The following MYOM1 variants were observed in gnomAD, a reference collection of about 807,000 sequenced individuals.
MYOM1 encodes myomesin-1.
A neutral mutation model predicts 205.3 loss-of-function variants in MYOM1; 164 were observed. The ratio of observed to expected loss-of-function variants is 0.80; its 90% CI spans 0.70 to 0.91. The LOEUF (loss-of-function observed/expected upper bound fraction) is 0.91, where lower values mean the gene tolerates loss of function less well. Ranked by LOEUF, MYOM1 falls within the 40% of genes least tolerant of loss-of-function variation. The probability of loss-of-function intolerance (pLI) is 0.00; values close to 1 mark genes in which losing one functional copy is unlikely to be tolerated. For missense variants in MYOM1, 2,011 were observed against 2,127.3 expected, an observed-to-expected ratio of 0.95 and a Z score of 1.08; for synonymous variants, 772 against 789.4, an observed-to-expected ratio of 0.98 and a Z score of 0.37.
chr18:3,119,742 C>T (rs1033487248), intron 20 of MYOM1, 127 bp downstream of exon 20: 10 of 1,217,602 alleles, frequency 8.2e-6, no homozygotes, highest in African/African-American at 3.1e-5. Context: ...TAGGTAAACA[C>T]AAGGGGCCAA....
rs369422118 is a variant in MYOM1 at position 3,164,313 on chromosome 18, T to C, written c.1466A>G (p.Tyr489Cys). The C allele has an allele frequency of 9.9e-5, 159 of 1,613,102 alleles. No individual in the cohort carries two copies. Among genetic ancestry groups the C allele is most frequent in the Middle Eastern group, 4.9e-4 (3 of 6,082 alleles). Residue 489 changes from tyrosine (Y) to cysteine (C), a missense_variant, in exon 10 of 38, where the codon TAT becomes TGT. Transcript: ENST00000356443. Reference sequence around the variant, plus strand: ...GACATAAGCACTATATTGTTCATAATATTCTCCCATCCGTACACGGATTGT... The same window carrying C: ...GACATAAGCACTATATTGTTCATAACATTCTCCCATCCGTACACGGATTGT... ...LYTIRVRMGE[Y>C]YEQYSAYVFV...
At chr18:3,148,866 A>T (rs978496070) in intron 13 of MYOM1, among the ~76,000 whole-genome samples, 2 of 150,028 alleles carry the variant, frequency 1.3e-5, no homozygotes, top group Non-Finnish European at 3.0e-5. Context: ...AAAAAAAAAA[A>T]AAAAAAGAAA....
Position 3,135,398 on chromosome 18 carries a change from T to C in MYOM1, c.2209+149A>G. On this transcript the variant is annotated intron_variant, in intron 15 of 37. Transcript: ENST00000356443. This position sits in a 1 kb window ranked among gnomAD's most constrained non-coding sequence, Gnocchi z 4.1. ...TTCATAAACAAAAATAATGAATTTT[T>C]GTTTAATGTATAGGTTAAGTACAGC... is the stretch of plus-strand genomic sequence containing the variant. 1 of 593,834 alleles carries C rather than the reference T, an allele frequency of 1.7e-6. No individual in the cohort carries two copies. The allele number at this position is 593,834 out of a possible 1,614,324, so 36.8% of individuals were successfully genotyped here. A position where few individuals can be genotyped will look rare whatever the true frequency, so the allele number is the denominator to read the frequency against.
rs1356522579 is a variant in MYOM1 at position 3,079,192 on chromosome 18, A to G, written c.4635T>C (p.Asp1545=). ...DGKTGHQKTV[D]LSGQAYDEAY... Reference sequence around the variant, plus strand: ...ATATCTGTTTACCTTGTCCAGAGAGATCCACTGTCTTCTGATGTCCAGTTT... The same window carrying G: ...ATATCTGTTTACCTTGTCCAGAGAGGTCCACTGTCTTCTGATGTCCAGTTT... Residue 1545 remains aspartate (D), a synonymous_variant, in exon 34 of 38, where the codon GAT becomes GAC. Coordinates refer to ENST00000356443, the MANE Select transcript of MYOM1 (RefSeq NM_003803.4). 8 of 1,613,692 alleles carry G rather than the reference A, an allele frequency of 5.0e-6. No individual in the cohort carries two copies. The highest frequency in any genetic ancestry group is 2.7e-5 in the African/African-American group (2 of 74,878).
chr18:3,165,012 A>G (rs934794725), intron 9 of MYOM1, among the ~76,000 whole-genome samples: 1 of 152,206 alleles, frequency 6.6e-6, no homozygotes, highest in Non-Finnish European at 1.5e-5. Flanking sequence ...ATTAATTCCC[A>G]TAATTTTTTT....
At chr18:3,139,220 T>G (rs1481125080) in intron 14 of MYOM1, among the ~76,000 whole-genome samples, 1 of 152,208 alleles carries the variant, frequency 6.6e-6, no homozygotes, top group Non-Finnish European at 1.5e-5. Context: ...CTTAGAACAG[T>G]GCAAATCTTG....
chr18:3,230,559 A>G, the MYOM1 span, among the ~76,000 whole-genome samples: 1 of 152,160 alleles, frequency 6.6e-6, no homozygotes, highest in Non-Finnish European at 1.5e-5. Flanking sequence ...CTGATTGGTC[A>G]CTTTCTGCAA....
the MYOM1 span, among the ~76,000 whole-genome samples, chr18:3,238,494 G>A: frequency 3.3e-5 from 5 of 152,060 alleles, no homozygotes; most frequent in Non-Finnish European, 7.4e-5. Flanking sequence ...TGGGGGCATC[G>A]AGAACCAGTG....
intron 5 of MYOM1, among the ~76,000 whole-genome samples, chr18:3,182,941 T>TTTTTTTTTTC (rs2080759457): frequency 6.9e-6 from 1 of 144,672 alleles, no homozygotes; most frequent in Non-Finnish European, 1.5e-5. Flanking sequence ...TTTTTTTTTT[T>TTTTTTTTTTC]TGAGACAGAG....
At position 3,136,578 on chromosome 18, in the gene MYOM1, C is replaced by A. The variant is rs576407641; in HGVS notation, c.2026-848G>T. Among the ~76,000 whole-genome samples the A allele has an allele frequency of 7.2e-5, 11 of 152,150 alleles. No individual in the cohort carries two copies. The South Asian group carries it at 2.3e-3, about 32-fold the overall frequency. ...AGTAGTTGGGACTACAGGCACATGC[C>A]ACCACACCTGGCTAATTTTTGTATT... is the stretch of plus-strand genomic sequence containing the variant. On this transcript the variant is annotated intron_variant, in intron 14 of 37. Coordinates refer to ENST00000356443, the MANE Select transcript of MYOM1 (RefSeq NM_003803.4).
chr18:3,072,338 C>A (rs969733542), intron 36 of MYOM1, among the ~76,000 whole-genome samples: 4 of 109,292 alleles, frequency 3.7e-5, no homozygotes, highest in African/African-American at 7.8e-5. Context: ...AGGCGTGAGC[C>A]ACCGCACCCG....
At chr18:3,208,068 A>G (rs1422843209) in intron 2 of MYOM1, among the ~76,000 whole-genome samples, 2 of 152,134 alleles carry the variant, frequency 1.3e-5, no homozygotes, top group East Asian at 3.8e-4. Context: ...GGATCTATAA[A>G]TTGCCAATTA....
chr18:3,184,031 G>A (rs748609712), intron 5 of MYOM1, among the ~76,000 whole-genome samples: 2 of 151,632 alleles, frequency 1.3e-5, no homozygotes, highest in Non-Finnish European at 2.9e-5. Context: ...TCAGCCTCCC[G>A]AGTAGCTGGG....
At position 3,156,062 on chromosome 18, in the gene MYOM1, T is replaced by C. The variant is rs531058927; in HGVS notation, c.1502-974A>G. 8.5e-5 allele frequency among the ~76,000 whole-genome samples: 13 copies of C among 152,274 alleles called. No individual in the cohort carries two copies. The East Asian group carries it at 1.5e-3, about 18-fold the overall frequency. On this transcript the variant is annotated intron_variant, in intron 10 of 37. Transcript: ENST00000356443. ...GACCACACGGCCCCTCAGGCACAGCTGAATTAGTGAATCAGGGCTGTTTAT... is the reference window on the plus strand; with the variant it reads ...GACCACACGGCCCCTCAGGCACAGCCGAATTAGTGAATCAGGGCTGTTTAT...
At chr18:3,242,192 G>C in the MYOM1 span, among the ~76,000 whole-genome samples, 1 of 152,112 alleles carries the variant, frequency 6.6e-6, no homozygotes, top group Non-Finnish European at 1.5e-5. Context: ...ATTTAGGAGG[G>C]GCCAGGGTGG....
chr18:3,128,099 C>T (rs1056952738), intron 18 of MYOM1, among the ~76,000 whole-genome samples: 1 of 152,188 alleles, frequency 6.6e-6, no homozygotes, highest in Non-Finnish European at 1.5e-5. Flanking sequence ...AAGAAACTAT[C>T]TCATTCTTAC....
chr18:3,182,913 CTTT>C (rs549386891), intron 5 of MYOM1, among the ~76,000 whole-genome samples: 15 of 92,266 alleles, frequency 1.6e-4, no homozygotes, highest in Middle Eastern at 0.016. Context: ...TTTCTTTCTT[CTTT>C]TTTTTTTTTT....
intron 13 of MYOM1, among the ~76,000 whole-genome samples, chr18:3,144,724 G>T (rs1486162700): frequency 6.6e-6 from 1 of 152,106 alleles, no homozygotes; most frequent in Non-Finnish European, 1.5e-5. Context: ...ACATTACCAT[G>T]GGTAAAAGAA....
rs773064327 is a variant in MYOM1 at position 3,215,153 on chromosome 18, C to G, written c.71G>C (p.Ser24Thr). 1 of 1,613,762 alleles carries G rather than the reference C, an allele frequency of 6.2e-7. No homozygotes were observed. The highest frequency in any genetic ancestry group is 8.5e-7 in the Non-Finnish European group (1 of 1,179,836). ...DLSYRNKDVR[S>T]TVSHYQREKK... ...CTCCCGCTGGTAGTGACTCACGGTG[C>G]TGCGCACGTCCTTGTTGCGGTAGCT... is the stretch of plus-strand genomic sequence containing the variant. Residue 24 changes from serine (S) to threonine (T), a missense_variant, in exon 2 of 38, where the codon AGC becomes ACC. Ser to Thr is a moderately conservative substitution (Grantham distance 58). Transcript: ENST00000356443.
Sources: allele counts gnomAD v4.1 joint callset (sites outside exome capture counted in the v4.1 genomes callset), GRCh38; gene constraint gnomAD v4.1.1; non-coding constraint Gnocchi (gnomAD v3.1); transcripts MANE v1.5; gene names NCBI Gene and HGNC (gene_info 2026-07-23, HGNC 2026-07-21).